SENP2: variants seen among roughly 807,000 people sequenced by gnomAD.
The protein encoded by SENP2 is SUMO specific peptidase 2.
SENP2 carries 16 observed loss-of-function variants against 86.3 expected under a neutral mutation model. That is an observed-to-expected ratio of 0.19 (90% CI 0.13 to 0.28). The LOEUF is 0.28. SENP2 is among the 10% of genes least tolerant of loss of function. The pLI, the probability that SENP2 is intolerant of heterozygous loss-of-function variation, is 1.00. For synonymous variants in SENP2, 222 were observed against 238.7 expected, an observed-to-expected ratio of 0.93 and a Z score of 0.64; for missense variants, 552 against 703.0, an observed-to-expected ratio of 0.79 and a Z score of 2.43.
intron 12 of SENP2, among the ~76,000 whole-genome samples, chr3:185,618,722 C>G (rs1711718747): frequency 6.6e-6 from 1 of 151,722 alleles, no homozygotes; most frequent in Non-Finnish European, 1.5e-5. Flanking sequence ...ACTAAAAATA[C>G]AAAAAAATTA....
At position 185,588,032 on chromosome 3, in the gene SENP2, C is replaced by T. The variant is rs1410312162; in HGVS notation, c.101+1518C>T. The stretch of plus-strand genomic sequence containing the variant: ...GGGATTACAGGCCTGAGCCACAGCG[C>T]CCGGCCACTACCGGCTAATTTTTTT... On this transcript the variant is annotated intron_variant, in intron 1 of 16. Coordinates refer to ENST00000296257, the MANE Select transcript of SENP2 (RefSeq NM_021627.3). Among the ~76,000 whole-genome samples, 3 of 149,052 alleles carry T rather than the reference C, an allele frequency of 2.0e-5. No homozygotes were observed. In the East Asian group the frequency reaches 6.0e-4, roughly 30 times the overall value.
At position 185,633,502 on chromosome 3, in the gene SENP2, A is replaced by T. The variant is rs1439919945; in HGVS notation, c.*3658A>T. On this transcript the variant is annotated 3_prime_UTR_variant, in exon 17 of 17. Coordinates refer to ENST00000296257, the MANE Select transcript of SENP2 (RefSeq NM_021627.3). ...TAAGGAAGGGGTTTGGATATATTAA[A>T]ATAGGTGTTAATTTTATCTATTTAC... The T allele has an allele frequency of 6.6e-6, 1 of 152,104 alleles. No individual in the cohort carries two copies. Among genetic ancestry groups the T allele is most frequent in the African/African-American group, 2.4e-5 (1 of 41,420 alleles). The allele number at this position is 152,104 out of a possible 1,614,324, so 9.4% of individuals were successfully genotyped here.
In SENP2 at chr3:185,632,237, GTTTTTTTTTTTTT is replaced by G. The variant is rs71627028; in HGVS notation, c.*2399_*2411del. The stretch of plus-strand genomic sequence containing the variant: ...GGTTTTTTTTTTGTTTTTTTTTTTT[GTTTTTTTTTTTTT>G]TTTTTGCGACAGAGTCTCTTGTCGC... On this transcript the variant is annotated 3_prime_UTR_variant, in exon 17 of 17. Transcript: ENST00000296257. The G allele has an allele frequency of 7.9e-5, 5 of 63,472 alleles. No individual in the cohort carries two copies. The highest frequency in any genetic ancestry group is 3.5e-4 in the South Asian group (1 of 2,888). The allele number at this position is 63,472 out of a possible 1,614,324, so 3.9% of individuals were successfully genotyped here.
intron 5 of SENP2, among the ~76,000 whole-genome samples, chr3:185,604,043 C>T (rs1722431971): frequency 1.3e-5 from 2 of 152,184 alleles, no homozygotes; most frequent in African/African-American, 4.8e-5. Context: ...ATCGCTTCAA[C>T]CCGGAAGGCG....
At position 185,633,447 on chromosome 3, in the gene SENP2, A is replaced by AT. The variant is rs1712573569; in HGVS notation, c.*3610dup. 1 of 152,058 alleles carries AT rather than the reference A, an allele frequency of 6.6e-6. No individual in the cohort carries two copies. Among genetic ancestry groups the AT allele is most frequent in the Admixed American group, 6.6e-5 (1 of 15,250 alleles). 9.4% of individuals were successfully genotyped at this position (152,058 alleles called of 1,614,324 possible). The stretch of plus-strand genomic sequence containing the variant: ...AGCTGGCTGTAGTATTGCTTTGATA[A>AT]TTTTTTTCTTTTAATTTACCTAATA... On this transcript the variant is annotated 3_prime_UTR_variant, in exon 17 of 17. Transcript: ENST00000296257.
At chr3:185,600,935 T>C in intron 5 of SENP2, 80 bp downstream of exon 5, 1 of 995,424 alleles carries the variant, frequency 1.0e-6, no homozygotes, top group Non-Finnish European at 1.6e-6. Context: ...TCACTTTTGT[T>C]GTATTATGTA....
chr3:185,617,538 G>A lies in SENP2; in HGVS notation c.1169G>A (p.Ser390Asn), dbSNP rs1453190431. ...CATGGCCCACAGGATGAAATCCTAA[G>A]TAGTGCTTTCAAATTGCGAATTACT... is the stretch of plus-strand genomic sequence containing the variant. Reference protein sequence around the residue: ...LGHGPQDEILSSAFKLRITRG... With the variant: ...LGHGPQDEILNSAFKLRITRG... Residue 390 changes from serine to asparagine, a missense_variant, in exon 12 of 17, where the codon AGT becomes AAT. By Grantham distance (46) the Ser-to-Asn change is conservative. Coordinates refer to ENST00000296257, the MANE Select transcript of SENP2 (RefSeq NM_021627.3). The A allele has an allele frequency of 6.2e-7, 1 of 1,613,132 alleles. No homozygotes were observed. The highest frequency in any genetic ancestry group is 2.2e-5 in the East Asian group (1 of 44,880).
In SENP2 at chr3:185,617,567, G is replaced by C; in HGVS notation, c.1198G>C (p.Gly400Arg). The C allele has an allele frequency of 6.2e-7, 1 of 1,613,620 alleles. No individual in the cohort carries two copies. The highest frequency in any genetic ancestry group is 8.5e-7 in the Non-Finnish European group (1 of 1,179,636). The change falls in exon 12 of 17, where the codon GGA becomes CGA. Residue 400 changes from glycine to arginine, a missense_variant. Around this residue, in one of 2 missense-constraint regions of SENP2, gnomAD observed 169 missense variants for 275.7 expected, o/e 0.61. Transcript: ENST00000296257. Reference protein sequence around the residue: ...SSAFKLRITRGDIQTLKNYHW... With the variant: ...SSAFKLRITRRDIQTLKNYHW... The stretch of plus-strand genomic sequence containing the variant: ...TGCTTTCAAATTGCGAATTACTCGA[G>C]GAGATATTCAGACATTAAAGAACTA...
chr3:185,628,747 A>C lies in SENP2; in HGVS notation c.1708-1035A>C, dbSNP rs149917990. Among the ~76,000 whole-genome samples, 660 of 151,092 alleles carry C rather than the reference A, an allele frequency of 4.4e-3. 3 individuals carry two copies. Among genetic ancestry groups the C allele is most frequent in the Admixed American group, 6.7e-3 (102 of 15,194 alleles). ...TTTCGAACTCCTGGCCTCAGGTGAT[A>C]TGCCCACCTTGGCCTCCCAAAGTGC... is the stretch of plus-strand genomic sequence containing the variant. On this transcript the variant is annotated intron_variant, in intron 16 of 16. Coordinates refer to ENST00000296257, the MANE Select transcript of SENP2 (RefSeq NM_021627.3).
At position 185,629,975 on chromosome 3, in the gene SENP2, T is replaced by A; in HGVS notation, c.*131T>A. On this transcript the variant is annotated 3_prime_UTR_variant, in exon 17 of 17. Coordinates refer to ENST00000296257, the MANE Select transcript of SENP2 (RefSeq NM_021627.3). Reference sequence around the variant, plus strand: ...CAGGTACTGAGCTGTCAAAAGTGCATGAAGGCCTCTCACTGTACTCTAGTC... The same window carrying A: ...CAGGTACTGAGCTGTCAAAAGTGCAAGAAGGCCTCTCACTGTACTCTAGTC... 1.2e-6 allele frequency: 1 copy of A among 845,128 alleles called. No homozygotes were observed. The highest frequency in any genetic ancestry group is 1.9e-6 in the Non-Finnish European group (1 of 519,600). 52.4% of individuals were successfully genotyped at this position (845,128 alleles called of 1,614,324 possible).
chr3:185,591,501 G>A (rs977232991), intron 2 of SENP2, among the ~76,000 whole-genome samples: 16 of 150,874 alleles, frequency 1.1e-4, no homozygotes, highest in African/African-American at 1.7e-4. Context: ...ACAGGCGCCC[G>A]CCATCATGCC....
intron 2 of SENP2, among the ~76,000 whole-genome samples, chr3:185,592,400 G>A (rs1353941105): frequency 6.6e-6 from 1 of 151,930 alleles, no homozygotes; most frequent in Non-Finnish European, 1.5e-5. Context: ...AATAAAAGTA[G>A]ATTAAAGGAA....
Position 185,629,876 on chromosome 3 carries a change from T to C in SENP2, c.*32T>C, listed in dbSNP as rs1359729555. On this transcript the variant is annotated 3_prime_UTR_variant, in exon 17 of 17. Transcript: ENST00000296257. ...TTTGCCTGGTCCCTCTAGCTGCTGGTGGTTCTTTCACAGACATTTCCATAT... is the reference window on the plus strand; with the variant it reads ...TTTGCCTGGTCCCTCTAGCTGCTGGCGGTTCTTTCACAGACATTTCCATAT... 1.2e-6 allele frequency: 2 copies of C among 1,607,878 alleles called. No individual in the cohort carries two copies. The highest frequency in any genetic ancestry group is 2.2e-5 in the South Asian group (2 of 90,944).
chr3:185,621,003 G>A (rs1294648192), intron 13 of SENP2, among the ~76,000 whole-genome samples: 3 of 150,952 alleles, frequency 2.0e-5, no homozygotes, highest in African/African-American at 4.9e-5. Context: ...GGGCGTGGTG[G>A]TGCACACCTG....
At chr3:185,618,348 T>C (rs143333225) in intron 12 of SENP2, among the ~76,000 whole-genome samples, 183 of 152,354 alleles carry the variant, frequency 1.2e-3, no homozygotes, top group African/African-American at 4.2e-3. Context: ...TCATCTTGTA[T>C]CCTTAATACA....
chr3:185,609,604 T>C (rs1443854139), intron 7 of SENP2, among the ~76,000 whole-genome samples: 2 of 152,036 alleles, frequency 1.3e-5, no homozygotes, highest in Non-Finnish European at 2.9e-5. Flanking sequence ...AAAAAGTGGA[T>C]CACTGGTTGA....
intron 2 of SENP2, among the ~76,000 whole-genome samples, chr3:185,591,456 A>G (rs1199822978): frequency 6.6e-6 from 1 of 151,092 alleles, no homozygotes; most frequent in Non-Finnish European, 1.5e-5. Context: ...GGTTCACACC[A>G]TTCTCCTGCC....
chr3:185,612,732 A>G (rs1410394049), intron 9 of SENP2, 74 bp downstream of exon 9: 2 of 1,094,146 alleles, frequency 1.8e-6, no homozygotes, highest in East Asian at 2.6e-5. Context: ...ATTTATGAGT[A>G]AGCAGTTCTG....
chr3:185,618,576 T>C (rs890072969), intron 12 of SENP2, among the ~76,000 whole-genome samples: 7 of 152,166 alleles, frequency 4.6e-5, no homozygotes, highest in African/African-American at 1.7e-4. Context: ...AAAATATTAC[T>C]GTTCAAAAGT....
Sources: allele counts gnomAD v4.1 joint callset (sites outside exome capture counted in the v4.1 genomes callset), GRCh38; gene constraint gnomAD v4.1.1; regional missense constraint gnomAD v4.1.1; transcripts MANE v1.5; gene names NCBI Gene and HGNC (gene_info 2026-07-23, HGNC 2026-07-21).